Variants in IPO7 observed in about 807,000 individuals in gnomAD.
IPO7 encodes importin 7, also known as importin-7.
Under a neutral mutation model 136.4 loss-of-function variants are expected in IPO7, and 13 were observed. The observed-to-expected ratio is 0.10, with a 90% CI of 0.06 to 0.15. The LOEUF (loss-of-function observed/expected upper bound fraction) is 0.15, where lower values mean the gene tolerates loss of function less well. Among genes scored for constraint, IPO7 ranks in the 10% least tolerant of loss-of-function variants. IPO7 has a pLI of 1.00. For missense variants in IPO7, 857 were observed against 1,240.6 expected (o/e 0.69, Z 4.65); for synonymous variants, 403 against 404.4 (o/e 1.00, Z 0.04).
intron 3 of IPO7, 32 bp downstream of exon 3, chr11:9,408,671 A>C: frequency 9.0e-7 from 1 of 1,110,102 alleles, no homozygotes; most frequent in Non-Finnish European, 1.2e-6. Context: ...CCATTTCTGC[A>C]GGTGTGTAAC....
At chr11:9,412,318 G>T (rs1854978045) in intron 4 of IPO7, among the ~76,000 whole-genome samples, 1 of 152,096 alleles carries the variant, frequency 6.6e-6, no homozygotes, top group Non-Finnish European at 1.5e-5. Context: ...ATTTTAAAAT[G>T]TACTCAGATA....
chr11:9,387,169 C>G (rs1303956820), intron 1 of IPO7, among the ~76,000 whole-genome samples: 3 of 152,188 alleles, frequency 2.0e-5, no homozygotes, highest in African/African-American at 2.4e-5. Flanking sequence ...TATGATGTCT[C>G]TCATTCCAGT....
intron 1 of IPO7, among the ~76,000 whole-genome samples, chr11:9,387,318 C>A (rs898543161): frequency 1.3e-5 from 2 of 152,114 alleles, no homozygotes; most frequent in South Asian, 2.1e-4. Flanking sequence ...TAGACAGTTT[C>A]GAAACAAAAT....
chr11:9,385,655 A>T (rs564968206), intron 1 of IPO7, among the ~76,000 whole-genome samples: 20 of 152,154 alleles, frequency 1.3e-4, no homozygotes, highest in Non-Finnish European at 2.6e-4. Context: ...GACAGGTGAG[A>T]TAATGTTAAG....
At position 9,410,037 on chromosome 11, in the gene IPO7, T is replaced by C; in HGVS notation, c.430T>C (p.Cys144Arg). The C allele has an allele frequency of 6.2e-7, 1 of 1,604,386 alleles. No individual in the cohort carries two copies. The highest frequency in any genetic ancestry group is 8.5e-7 in the Non-Finnish European group (1 of 1,176,614). Reference protein sequence around the residue: ...GFYLQSDNSACWLGILLCLYQ... With the variant: ...GFYLQSDNSARWLGILLCLYQ... ...TTATCTTCAGTCCGATAACAGTGCT[T>C]GTTGGCTAGGAATTCTTCTTTGCCT... Residue 144 changes from cysteine to arginine, a missense_variant, in exon 4 of 25, where the codon TGT becomes CGT. By Grantham distance (180) the Cys-to-Arg change is radical. Transcript: ENST00000379719.
chr11:9,390,124 C>T (rs957536715), intron 1 of IPO7, among the ~76,000 whole-genome samples: 2 of 152,154 alleles, frequency 1.3e-5, no homozygotes, highest in Non-Finnish European at 2.9e-5. Context: ...CTCCTGACCT[C>T]AGGTGATCCG....
At chr11:9,407,288 G>T (rs1174859097) in intron 2 of IPO7, among the ~76,000 whole-genome samples, 2 of 152,142 alleles carry the variant, frequency 1.3e-5, no homozygotes, top group African/African-American at 4.8e-5. Flanking sequence ...TAAAACCTTG[G>T]CTCACGCCTA....
chr11:9,431,785 C>T (rs1855297658), intron 16 of IPO7, among the ~76,000 whole-genome samples: 1 of 152,018 alleles, frequency 6.6e-6, no homozygotes, highest in Non-Finnish European at 1.5e-5. Context: ...ACCAGCCTAG[C>T]CAACGTGGTG....
Position 9,446,204 on chromosome 11 carries a change from A to G in IPO7, c.*1010A>G, listed in dbSNP as rs1047069600. ...GGCTAAACATCTATATATGCAATCT[A>G]TTAAAAGAACTTAATTCGGCTATTA... On this transcript the variant is annotated 3_prime_UTR_variant, in exon 25 of 25. Coordinates refer to ENST00000379719, the MANE Select transcript of IPO7 (RefSeq NM_006391.3). 1.3e-5 allele frequency: 2 copies of G among 152,240 alleles called. No homozygotes were observed. Among genetic ancestry groups the G allele is most frequent in the Non-Finnish European group, 2.9e-5 (2 of 68,040 alleles). The allele number at this position is 152,240 out of a possible 1,614,324, so 9.4% of individuals were successfully genotyped here.
intron 1 of IPO7, chr11:9,402,921 T>C: frequency 4.4e-6 from 1 of 227,224 alleles, no homozygotes; most frequent in Non-Finnish European, 8.5e-6. Context: ...CCCGGGAGGC[T>C]GAGGCAGGAG....
At chr11:9,436,656 G>A (rs1855372628) in intron 20 of IPO7, among the ~76,000 whole-genome samples, 1 of 149,274 alleles carries the variant, frequency 6.7e-6, no homozygotes, top group African/African-American at 2.4e-5. Flanking sequence ...CAGTTTTTTT[G>A]TTTGTTTGTT....
rs781060525 is a variant in IPO7 at position 9,384,826 on chromosome 11, C to T, written c.63C>T (p.Ala21=). 9.4e-6 allele frequency: 15 copies of T among 1,603,836 alleles called. No individual in the cohort carries two copies. The highest frequency in any genetic ancestry group is 4.5e-5 in the South Asian group (4 of 89,274). Residue 21 remains alanine (A), a synonymous_variant, in exon 1 of 25, where the codon GCC becomes GCT. Transcript: ENST00000379719. ...CTATGGACCCAGCCCTGCGTGAGGCCGCGGAGCGCCAGCTCAATGAAGTAA... is the reference window on the plus strand; with the variant it reads ...CTATGGACCCAGCCCTGCGTGAGGCTGCGGAGCGCCAGCTCAATGAAGTAA... ...RGTMDPALRE[A]AERQLNEAHK... is the part of the protein sequence containing the mutation.
At chr11:9,411,715 A>T (rs557835423) in intron 4 of IPO7, among the ~76,000 whole-genome samples, 1 of 152,190 alleles carries the variant, frequency 6.6e-6, no homozygotes, top group Non-Finnish European at 1.5e-5. Flanking sequence ...GCAGTTTGAC[A>T]CATCACAGCC....
rs543254934 is a variant in IPO7, at chr11:9,421,874, G to A, written c.907-1132G>A. Among the ~76,000 whole-genome samples the A allele has an allele frequency of 1.9e-3, 293 of 151,962 alleles. 2 individuals carry two copies. The highest frequency in any genetic ancestry group is 6.9e-3 in the African/African-American group (285 of 41,430). The stretch of plus-strand genomic sequence containing the variant: ...CAAGAGAATGGCGTGAACCTGGGGG[G>A]TGCAGCTTGCGGTGCGCAGAGATCC... On this transcript the variant is annotated intron_variant, in intron 8 of 24. Coordinates refer to ENST00000379719, the MANE Select transcript of IPO7 (RefSeq NM_006391.3).
At position 9,445,389 on chromosome 11, in the gene IPO7, G is replaced by A. The variant is rs3217640; in HGVS notation, c.*195G>A. On this transcript the variant is annotated 3_prime_UTR_variant, in exon 25 of 25. Coordinates refer to ENST00000379719, the MANE Select transcript of IPO7 (RefSeq NM_006391.3). ...AAGAAATCAGCGGGATTTTGGGGGT[G>A]GGGGGGGATGGGAGGTACCTTAGAG... The A allele has an allele frequency of 1.2e-5, 2 of 163,290 alleles. No individual in the cohort carries two copies. Among genetic ancestry groups the A allele is most frequent in the South Asian group, 1.7e-4 (1 of 5,892 alleles). The allele number at this position is 163,290 out of a possible 1,614,324, so 10.1% of individuals were successfully genotyped here. A position where few individuals can be genotyped will look rare whatever the true frequency, so the allele number is the denominator to read the frequency against.
intron 1 of IPO7, among the ~76,000 whole-genome samples, chr11:9,399,780 G>A (rs1181453633): frequency 6.6e-6 from 1 of 152,160 alleles, no homozygotes; most frequent in Non-Finnish European, 1.5e-5. Context: ...ATGCTGAGTG[G>A]CATAGGTGGA....
intron 13 of IPO7, 129 bp downstream of exon 13, chr11:9,428,758 A>C: frequency 1.3e-6 from 1 of 792,478 alleles, no homozygotes; most frequent in Non-Finnish European, 2.3e-6. Context: ...GTTTAATGTA[A>C]ATCTTTACAT....
At chr11:9,441,696 G>C (rs1422876269) in intron 23 of IPO7, among the ~76,000 whole-genome samples, 1 of 152,172 alleles carries the variant, frequency 6.6e-6, no homozygotes, top group African/African-American at 2.4e-5. Context: ...TCCTAACACG[G>C]GGCCCATGTA....
chr11:9,421,677 G>T (rs1855131946), intron 8 of IPO7, among the ~76,000 whole-genome samples: 1 of 136,716 alleles, frequency 7.3e-6, no homozygotes, highest in Non-Finnish European at 1.6e-5. Flanking sequence ...GGGCGCAGTT[G>T]CTCACGCCTG....
Sources: gnomAD v4.1 joint callset for allele counts (sites outside exome capture counted in the v4.1 genomes callset) on GRCh38, gnomAD v4.1.1 for gene constraint, MANE v1.5 for transcripts, NCBI Gene and HGNC (gene_info 2026-07-23, HGNC 2026-07-21) for gene names.